Variants in SPIDR observed in about 807,000 individuals in gnomAD.
The protein encoded by SPIDR is DNA repair-scaffolding protein.
Under a neutral mutation model 104.6 loss-of-function variants are expected in SPIDR, and 93 were observed. The observed-to-expected ratio is 0.89, with a 90% CI of 0.75 to 1.06. SPIDR has a LOEUF of 1.06. Among genes scored for constraint, SPIDR ranks in the 50% least tolerant of loss-of-function variants. The pLI, the probability that SPIDR is intolerant of heterozygous loss-of-function variation, is 0.00. For synonymous variants in SPIDR, 431 were observed against 416.9 expected, an observed-to-expected ratio of 1.03 and a Z score of -0.41; for missense variants, 1,154 against 1,111.2, an observed-to-expected ratio of 1.04 and a Z score of -0.55.
intron 5 of SPIDR, among the ~76,000 whole-genome samples, chr8:47,342,775 C>CT (rs2051039653): frequency 6.6e-6 from 1 of 152,092 alleles, no homozygotes; most frequent in South Asian, 2.1e-4. Context: ...CTTGGCTACC[C>CT]TTTCTTTCTG....
chr8:47,346,497 G>A (rs1305812965), intron 5 of SPIDR, among the ~76,000 whole-genome samples: 1 of 152,120 alleles, frequency 6.6e-6, no homozygotes, highest in Non-Finnish European at 1.5e-5. Context: ...GAATTAGGGA[G>A]GATTCCCTCT....
chr8:47,721,067 C>T (rs780397997), intron 16 of SPIDR, among the ~76,000 whole-genome samples: 1 of 152,126 alleles, frequency 6.6e-6, no homozygotes, highest in Non-Finnish European at 1.5e-5. Flanking sequence ...CCTTTTCATA[C>T]TCTTAATAAG....
intron 8 of SPIDR, among the ~76,000 whole-genome samples, chr8:47,474,525 G>C (rs1293230434): frequency 2.6e-5 from 4 of 152,144 alleles, no homozygotes; most frequent in Admixed American, 2.6e-4. Flanking sequence ...TGGGAGTGAC[G>C]GGCAGCTCTT....
At chr8:47,728,814 G>T in intron 17 of SPIDR, 119 bp from the exon 18 acceptor site, 1 of 1,222,350 alleles carries the variant, frequency 8.2e-7, no homozygotes, top group Non-Finnish European at 1.1e-6. Flanking sequence ...TTGATTCTGA[G>T]AGTAAAGCCC....
chr8:47,499,635 G>A (rs912268233), intron 8 of SPIDR, among the ~76,000 whole-genome samples: 4 of 151,384 alleles, frequency 2.6e-5, no homozygotes, highest in Non-Finnish European at 5.9e-5. Context: ...CAGGAACACA[G>A]CCATAATTTT....
chr8:47,296,312 T>C (rs1166378436), intron 5 of SPIDR, among the ~76,000 whole-genome samples: 1 of 152,234 alleles, frequency 6.6e-6, no homozygotes, highest in Non-Finnish European at 1.5e-5. Flanking sequence ...TCAGTGCTTT[T>C]AGGGTAATAT....
chr8:47,520,227 A>G (rs573109642), intron 8 of SPIDR, among the ~76,000 whole-genome samples: 3 of 152,328 alleles, frequency 2.0e-5, no homozygotes, highest in African/African-American at 7.2e-5. Context: ...TAAGCTCTGT[A>G]TACATTCCTG....
At chr8:47,692,337 A>C (rs748738092) in intron 11 of SPIDR, among the ~76,000 whole-genome samples, 1 of 151,578 alleles carries the variant, frequency 6.6e-6, no homozygotes, top group Non-Finnish European at 1.5e-5. Context: ...TCTCTCCCCC[A>C]GCAGCCACTC....
intron 3 of SPIDR, among the ~76,000 whole-genome samples, chr8:47,288,536 G>A (rs1003157108): frequency 1.3e-5 from 2 of 152,056 alleles, no homozygotes; most frequent in Admixed American, 6.6e-5. Flanking sequence ...CACCCACCTC[G>A]GCCTCCCGAA....
intron 18 of SPIDR, 144 bp from the exon 19 acceptor site, chr8:47,729,268 C>A: frequency 2.8e-6 from 4 of 1,421,382 alleles, no homozygotes; most frequent in Middle Eastern, 1.8e-4. Context: ...TGTTAAAACA[C>A]ATCTTTGACC....
chr8:47,709,882 C>G (rs2081601984), intron 14 of SPIDR, among the ~76,000 whole-genome samples: 1 of 118,786 alleles, frequency 8.4e-6, no homozygotes, highest in Non-Finnish European at 1.6e-5. Flanking sequence ...CTGAAATATT[C>G]ACCAATTTTT....
At chr8:47,488,622 A>G (rs2078116633) in intron 8 of SPIDR, among the ~76,000 whole-genome samples, 1 of 152,178 alleles carries the variant, frequency 6.6e-6, no homozygotes, top group South Asian at 2.1e-4. Flanking sequence ...GGCAAACCGA[A>G]TGCAGCAGCC....
intron 8 of SPIDR, among the ~76,000 whole-genome samples, chr8:47,529,064 T>A (rs1441802543): frequency 6.6e-6 from 1 of 152,000 alleles, no homozygotes. Context: ...GGAAGAAGAA[T>A]AAGAATTACA....
chr8:47,315,425 A>AT (rs2045143294), intron 5 of SPIDR, among the ~76,000 whole-genome samples: 2 of 152,160 alleles, frequency 1.3e-5, no homozygotes, highest in Admixed American at 1.3e-4. Flanking sequence ...TTCAGGAAAA[A>AT]TCTGAATATT....
At chr8:47,663,030 T>G (rs570824324) in intron 10 of SPIDR, among the ~76,000 whole-genome samples, 1 of 152,360 alleles carries the variant, frequency 6.6e-6, no homozygotes, top group African/African-American at 2.4e-5. Context: ...GCAGCTCAAA[T>G]GGACTAAGAC....
intron 11 of SPIDR, among the ~76,000 whole-genome samples, chr8:47,696,111 A>G (rs2154480974): frequency 6.6e-6 from 1 of 152,308 alleles, no homozygotes; most frequent in Non-Finnish European, 1.5e-5. Context: ...ACTCATTTCC[A>G]TGCACCTTTC....
intron 19 of SPIDR, among the ~76,000 whole-genome samples, chr8:47,730,974 T>G (rs2085112344): frequency 6.6e-6 from 1 of 152,078 alleles, no homozygotes; most frequent in Non-Finnish European, 1.5e-5. Flanking sequence ...GTTTCTGCTC[T>G]TGGCTGGGCA....
intron 8 of SPIDR, among the ~76,000 whole-genome samples, chr8:47,561,365 T>C (rs992164516): frequency 1.3e-5 from 2 of 152,224 alleles, no homozygotes; most frequent in Non-Finnish European, 2.9e-5. Context: ...AGTACCTTGC[T>C]CATTTGCTTC....
chr8:47,284,699 T>C (rs1020099258), intron 3 of SPIDR, among the ~76,000 whole-genome samples: 3 of 151,998 alleles, frequency 2.0e-5, no homozygotes, highest in Non-Finnish European at 2.9e-5. Context: ...CTTGGAAGAG[T>C]GTAGGTGCTG....
Sources: gnomAD v4.1 joint callset for allele counts (sites outside exome capture counted in the v4.1 genomes callset) on GRCh38, gnomAD v4.1.1 for gene constraint, MANE v1.5 for transcripts, NCBI Gene and HGNC (gene_info 2026-07-23, HGNC 2026-07-21) for gene names.